The following SSH1 variants were observed in gnomAD, a reference collection of about 807,000 sequenced individuals.
SSH1 encodes slingshot protein phosphatase 1.
In SSH1, 43 loss-of-function variants were observed where a neutral mutation model predicts 79.7. That is an observed-to-expected ratio of 0.54 (90% confidence interval 0.42 to 0.70). SSH1 has a LOEUF of 0.70. SSH1 is among the 30% of genes least tolerant of loss of function. The pLI, the probability that SSH1 is intolerant of heterozygous loss-of-function variation, is 0.00. For synonymous variants in SSH1, 599 were observed against 538.3 expected (o/e 1.11, Z -1.56); for missense variants, 1,206 against 1,358.8 (o/e 0.89, Z 1.77).
intron 2 of SSH1, among the ~76,000 whole-genome samples, chr12:108,841,533 T>G (rs1045846911): frequency 6.6e-6 from 1 of 152,064 alleles, no homozygotes; most frequent in Non-Finnish European, 1.5e-5. Flanking sequence ...TAGGGCCGGG[T>G]GCAGTGGCTC....
At chr12:108,806,212 G>A in intron 9 of SSH1, 89 bp downstream of exon 9, 1 of 1,252,634 alleles carries the variant, frequency 8.0e-7, no homozygotes, top group Non-Finnish European at 1.2e-6. Context: ...ACAACCAGAT[G>A]TTGGGCCTGC....
chr12:108,842,102 C>G (rs921356928), intron 2 of SSH1, among the ~76,000 whole-genome samples: 3 of 151,936 alleles, frequency 2.0e-5, no homozygotes, highest in Non-Finnish European at 4.4e-5. Flanking sequence ...GTACTCCAGT[C>G]TGGGCAACAG....
intron 2 of SSH1, among the ~76,000 whole-genome samples, chr12:108,844,048 A>G (rs528682018): frequency 6.6e-6 from 1 of 152,334 alleles, no homozygotes; most frequent in South Asian, 2.1e-4. Flanking sequence ...AGCTGTTACC[A>G]TGAAGGAAGT....
At chr12:108,818,190 C>T (rs752128179) in intron 4 of SSH1, 59 bp downstream of exon 4, 1 of 1,293,542 alleles carries the variant, frequency 7.7e-7, no homozygotes, top group Non-Finnish European at 1.1e-6. Context: ...AGAGCAAGAC[C>T]CTCATCTCAC....
At chr12:108,794,686 TCTGC>T (rs2136997881) in intron 13 of SSH1, among the ~76,000 whole-genome samples, 1 of 152,282 alleles carries the variant, frequency 6.6e-6, no homozygotes, top group South Asian at 2.1e-4. Context: ...GTCACGCAAA[TCTGC>T]CTCCCATTTT....
Position 108,792,539 on chromosome 12 carries a change from G to T in SSH1, c.1640C>A (p.Pro547His). 1 of 1,614,208 alleles carries T rather than the reference G, an allele frequency of 6.2e-7. No homozygotes were observed. The highest frequency in any genetic ancestry group is 8.5e-7 in the Non-Finnish European group (1 of 1,180,030). ...TCTGGCCGGCCTGTGCACCTCTGCA[G>T]GTGGAGCAGCTTCCTCCAACAGAGC... ...REALLEEAAP[P>H]AEVHRPARQP... is the part of the protein sequence containing the mutation. The change falls in exon 14 of 15, where the codon CCT becomes CAT. Residue 547 changes from proline to histidine, a missense_variant. By Grantham distance (77) the Pro-to-His change is moderately conservative. This residue lies in a region of SSH1 where 709 missense variants were observed against 730.6 expected (regional missense o/e 0.97). Transcript: ENST00000326495.
chr12:108,822,022 C>T (rs536325013), intron 3 of SSH1, among the ~76,000 whole-genome samples: 11 of 152,316 alleles, frequency 7.2e-5, no homozygotes, highest in East Asian at 3.9e-4. Context: ...TGTCCACCTA[C>T]GACAAAGATC....
chr12:108,793,547 T>G (rs1272851826), intron 13 of SSH1, among the ~76,000 whole-genome samples: 1 of 151,918 alleles, frequency 6.6e-6, no homozygotes. Context: ...TGTGACACCA[T>G]CCCTGGCTAA....
chr12:108,850,965 C>T (rs2039025988), intron 2 of SSH1, among the ~76,000 whole-genome samples: 1 of 151,938 alleles, frequency 6.6e-6, no homozygotes, highest in South Asian at 2.1e-4. Context: ...CTCCAGACTT[C>T]CACTCCACCC....
intron 2 of SSH1, among the ~76,000 whole-genome samples, chr12:108,832,128 C>G (rs1366771218): frequency 1.3e-5 from 2 of 152,050 alleles, no homozygotes; most frequent in Non-Finnish European, 2.9e-5. Context: ...AAAATCCTGC[C>G]TCTACAAAAA....
chr12:108,794,384 T>G (rs2136996020), intron 13 of SSH1, among the ~76,000 whole-genome samples: 1 of 152,208 alleles, frequency 6.6e-6, no homozygotes, highest in Non-Finnish European at 1.5e-5. Flanking sequence ...AGAGGCTGAG[T>G]GAGGGGCCGC....
Position 108,780,729 on chromosome 12 carries a change from C to T in SSH1, c.*7259G>A, listed in dbSNP as rs1480045807. On this transcript the variant is annotated 3_prime_UTR_variant, in exon 15 of 15. Coordinates refer to ENST00000326495, the MANE Select transcript of SSH1 (RefSeq NM_018984.4). Reference sequence around the variant, plus strand: ...TTTTACAGAGAGGGCTGCATTATAGCTTGATAACACTATTAGAAGCATCCT... The same window carrying T: ...TTTTACAGAGAGGGCTGCATTATAGTTTGATAACACTATTAGAAGCATCCT... 6.6e-6 allele frequency: 1 copy of T among 152,176 alleles called. No individual in the cohort carries two copies. The highest frequency in any genetic ancestry group is 1.5e-5 in the Non-Finnish European group (1 of 68,036). The allele number at this position is 152,176 out of a possible 1,614,324, so 9.4% of individuals were successfully genotyped here.
intron 7 of SSH1, among the ~76,000 whole-genome samples, chr12:108,808,902 C>T (rs2037428905): frequency 7.2e-6 from 1 of 139,622 alleles, no homozygotes. Context: ...GGCGTGATCT[C>T]GGTTCACGGC....
chr12:108,806,505 G>T, intron 8 of SSH1, 111 bp from the exon 9 acceptor site: 2 of 952,366 alleles, frequency 2.1e-6, no homozygotes, highest in South Asian at 2.6e-5. Flanking sequence ...TTGGCAAGGA[G>T]AGCACGCTTC....
intron 2 of SSH1, among the ~76,000 whole-genome samples, chr12:108,823,959 C>T (rs548438593): frequency 1.3e-5 from 2 of 152,168 alleles, no homozygotes; most frequent in African/African-American, 4.8e-5. Context: ...TGACCACGCC[C>T]AGCCATAACA....
chr12:108,814,014 A>C (rs1466172732), intron 5 of SSH1, among the ~76,000 whole-genome samples: 3 of 152,142 alleles, frequency 2.0e-5, no homozygotes, highest in Non-Finnish European at 4.4e-5. Context: ...ACTTGAGGTC[A>C]GTAGTTCGAG....
At chr12:108,836,027 T>TCGATTATATTAATATTAATATAAC (rs1208399706) in intron 2 of SSH1, among the ~76,000 whole-genome samples, 1 of 145,230 alleles carries the variant, frequency 6.9e-6, no homozygotes, top group African/African-American at 2.5e-5. Flanking sequence ...ATTAATATAA[T>TCGATTATATTAATATTAATATAAC]CGATTATATT....
At chr12:108,812,046 G>C (rs932260244) in intron 5 of SSH1, among the ~76,000 whole-genome samples, 1 of 152,114 alleles carries the variant, frequency 6.6e-6, no homozygotes, top group South Asian at 2.1e-4. Context: ...CCGTGTGAAT[G>C]GGGCCTCTGG....
At chr12:108,839,728 A>G (rs1380944260) in intron 2 of SSH1, among the ~76,000 whole-genome samples, 5 of 152,228 alleles carry the variant, frequency 3.3e-5, no homozygotes, top group Non-Finnish European at 7.3e-5. Context: ...CTCAAGAATG[A>G]TATTTCCCAG....
Sources: gnomAD v4.1 joint callset for allele counts (sites outside exome capture counted in the v4.1 genomes callset) on GRCh38, gnomAD v4.1.1 for gene constraint, gnomAD v4.1.1 regional missense constraint, MANE v1.5 for transcripts, NCBI Gene and HGNC (gene_info 2026-07-23, HGNC 2026-07-21) for gene names.